Variants in TBC1D1 observed in about 807,000 individuals in gnomAD.
TBC1D1 encodes TBC1 domain family member 1, also known as TBC1 (tre-2/USP6, BUB2, cdc16) domain family, member 1.
In TBC1D1, 89 loss-of-function variants were observed where a neutral mutation model predicts 125.6. The ratio of observed to expected loss-of-function variants is 0.71; its 90% confidence interval spans 0.60 to 0.85. The LOEUF is 0.85. Ranked by LOEUF, TBC1D1 falls within the 40% of genes least tolerant of loss-of-function variation. The pLI is 0.00. For synonymous variants in TBC1D1, 565 were observed against 564.1 expected (o/e 1.00, Z -0.02); for missense variants, 1,377 against 1,469.2 (o/e 0.94, Z 1.03).
At chr4:38,081,558 AC>A (rs1265533829) in intron 12 of TBC1D1, among the ~76,000 whole-genome samples, 1 of 151,912 alleles carries the variant, frequency 6.6e-6, no homozygotes, top group Non-Finnish European at 1.5e-5. Flanking sequence ...TTTATCCCCA[AC>A]CCCAGTCTGA....
intron 18 of TBC1D1, among the ~76,000 whole-genome samples, chr4:38,132,186 T>G (rs943279769): frequency 2.7e-5 from 3 of 112,938 alleles, no homozygotes; most frequent in Non-Finnish European, 5.4e-5. Flanking sequence ...TCTAGCAGGG[T>G]TTTTTTTTTT....
Position 38,021,712 on chromosome 4 carries a change from A to T in TBC1D1, c.1204A>T (p.Ile402Leu). The T allele has an allele frequency of 6.4e-7, 1 of 1,571,640 alleles. No homozygotes were observed. Among genetic ancestry groups the T allele is most frequent in the African/African-American group, 1.4e-5 (1 of 73,072 alleles). The change falls in exon 6 of 20, where the codon ATA (isoleucine) becomes TTA (leucine). Residue 402 changes from isoleucine (I) to leucine (L), a missense_variant. Coordinates refer to ENST00000261439, the MANE Select transcript of TBC1D1 (RefSeq NM_015173.4). ...AAGCCTGCACAAGCTCTGTGAGAGGATAGAGGGTGAGTAGGGGACCCTTTC... is the reference window on the plus strand; with the variant it reads ...AAGCCTGCACAAGCTCTGTGAGAGGTTAGAGGGTGAGTAGGGGACCCTTTC...
At chr4:37,911,136 T>C (rs1718533083) in intron 2 of TBC1D1, among the ~76,000 whole-genome samples, 1 of 135,586 alleles carries the variant, frequency 7.4e-6, no homozygotes, top group African/African-American at 2.8e-5. Context: ...TCCTCCTTTT[T>C]TTTTTTTTTT....
At chr4:38,069,077 TG>T in intron 12 of TBC1D1, among the ~76,000 whole-genome samples, 1 of 152,226 alleles carries the variant, frequency 6.6e-6, no homozygotes, top group Non-Finnish European at 1.5e-5. Flanking sequence ...TAAAAGCAAG[TG>T]GGGACTGTCA....
intron 12 of TBC1D1, among the ~76,000 whole-genome samples, chr4:38,080,541 G>A (rs1242525779): frequency 1.3e-5 from 2 of 152,236 alleles, no homozygotes; most frequent in East Asian, 3.8e-4. Context: ...ACTACTTGCA[G>A]TCATCAAATT....
At chr4:38,082,072 C>T (rs1229044437) in intron 12 of TBC1D1, among the ~76,000 whole-genome samples, 5 of 152,158 alleles carry the variant, frequency 3.3e-5, no homozygotes, top group African/African-American at 7.2e-5. Context: ...GAAAATGTGA[C>T]GTCGGACCTC....
intron 12 of TBC1D1, among the ~76,000 whole-genome samples, chr4:38,074,909 C>T (rs573211330): frequency 8.0e-4 from 122 of 152,132 alleles, no homozygotes; most frequent in African/African-American, 2.3e-3. Context: ...TGCAGGCACG[C>T]GCCACCATAC....
At chr4:37,915,480 G>C (rs888391424) in intron 2 of TBC1D1, among the ~76,000 whole-genome samples, 1 of 152,166 alleles carries the variant, frequency 6.6e-6, no homozygotes, top group Non-Finnish European at 1.5e-5. Flanking sequence ...CAGTGTCCCA[G>C]CTCAAGCAAT....
At chr4:38,100,211 T>A (rs1471802858) in intron 14 of TBC1D1, among the ~76,000 whole-genome samples, 1 of 152,182 alleles carries the variant, frequency 6.6e-6, no homozygotes, top group Non-Finnish European at 1.5e-5. Flanking sequence ...TCAGGGTATA[T>A]TTGCTTCCTG....
chr4:38,058,258 C>T lies in TBC1D1; in HGVS notation c.2050+3920C>T, dbSNP rs115424097. On this transcript the variant is annotated intron_variant, in intron 12 of 19. Coordinates refer to ENST00000261439, the MANE Select transcript of TBC1D1 (RefSeq NM_015173.4). Reference sequence around the variant, plus strand: ...GTCTGTTCCCCATCCTTAGGATGCACGATGCCAGAGCCCTCCACTGTGGTC... The same window carrying T: ...GTCTGTTCCCCATCCTTAGGATGCATGATGCCAGAGCCCTCCACTGTGGTC... Among the ~76,000 whole-genome samples, 219 of 152,328 alleles carry T rather than the reference C, an allele frequency of 1.4e-3. 1 individual carries two copies. The highest frequency in any genetic ancestry group is 3.9e-3 in the Admixed American group (60 of 15,304).
chr4:37,994,091 C>T (rs769215123), intron 2 of TBC1D1, among the ~76,000 whole-genome samples: 1 of 152,150 alleles, frequency 6.6e-6, no homozygotes, highest in Non-Finnish European at 1.5e-5. Flanking sequence ...CTGGAGGGAA[C>T]CTGCTCAGGA....
chr4:38,123,918 G>A (rs1013976363), intron 17 of TBC1D1, among the ~76,000 whole-genome samples: 2 of 152,090 alleles, frequency 1.3e-5, no homozygotes, highest in African/African-American at 2.4e-5. Context: ...CTGTTTCTTC[G>A]TGGCTTTTAA....
chr4:38,008,441 A>G (rs189707029), intron 2 of TBC1D1, among the ~76,000 whole-genome samples: 1 of 152,278 alleles, frequency 6.6e-6, no homozygotes, highest in Non-Finnish European at 1.5e-5. Context: ...TGCATAGACC[A>G]TCTCTGTGGG....
intron 2 of TBC1D1, among the ~76,000 whole-genome samples, chr4:37,931,058 C>T (rs1403607897): frequency 3.3e-5 from 5 of 151,924 alleles, no homozygotes; most frequent in African/African-American, 9.7e-5. Context: ...CCATTTACCA[C>T]GATAGATACT....
At chr4:38,110,795 G>A (rs1273180501) in intron 15 of TBC1D1, 5 of 985,370 alleles carry the variant, frequency 5.1e-6, no homozygotes, top group Non-Finnish European at 2.4e-6. Context: ...TTGTAGGAAG[G>A]ATTGCACAGT....
chr4:37,994,971 T>A (rs902942179), intron 2 of TBC1D1, among the ~76,000 whole-genome samples: 1 of 152,254 alleles, frequency 6.6e-6, no homozygotes, highest in Non-Finnish European at 1.5e-5. Context: ...ACTTACGTAC[T>A]TAACCTGTAT....
intron 10 of TBC1D1, among the ~76,000 whole-genome samples, chr4:38,047,808 T>C (rs1365663569): frequency 6.6e-6 from 1 of 152,104 alleles, no homozygotes; most frequent in Non-Finnish European, 1.5e-5. Flanking sequence ...TAAATCTTGG[T>C]GTAGGAATTG....
At chr4:37,924,193 C>A (rs4832969) in intron 2 of TBC1D1, among the ~76,000 whole-genome samples, 58,007 of 151,850 alleles carry the variant, frequency 0.38, 11,544 homozygotes, top group East Asian at 0.67. Flanking sequence ...TCTCCTCCCC[C>A]ACACCACCCC....
chr4:37,927,837 C>A (rs1398853661), intron 2 of TBC1D1, among the ~76,000 whole-genome samples: 1 of 152,176 alleles, frequency 6.6e-6, no homozygotes, highest in African/African-American at 2.4e-5. Context: ...TTCGAGGCTG[C>A]AGTGTGCTAC....
Sources: allele counts gnomAD v4.1 joint callset (sites outside exome capture counted in the v4.1 genomes callset), GRCh38; gene constraint gnomAD v4.1.1; transcripts MANE v1.5; gene names NCBI Gene and HGNC (gene_info 2026-07-23, HGNC 2026-07-21).